Variants in PCDHA6 observed in about 807,000 individuals in gnomAD.
PCDHA6 encodes the protein protocadherin alpha 6, also known as protocadherin alpha-6.
A neutral mutation model predicts 60.3 loss-of-function variants in PCDHA6; 55 were observed. The ratio of observed to expected loss-of-function variants is 0.91; its 90% CI spans 0.73 to 1.14. The LOEUF (loss-of-function observed/expected upper bound fraction) is 1.14, where lower values mean the gene tolerates loss of function less well. Ranked by LOEUF, PCDHA6 falls within the 50% of genes most tolerant of loss-of-function variation. The pLI is 0.00. For synonymous variants in PCDHA6, 652 were observed against 557.9 expected (o/e 1.17, Z -2.38); for missense variants, 1,327 against 1,256.5 (o/e 1.06, Z -0.85).
intron 1 of PCDHA6, among the ~76,000 whole-genome samples, chr5:140,931,140 G>C (rs1176305397): frequency 6.6e-6 from 1 of 152,070 alleles, no homozygotes; most frequent in African/African-American, 2.4e-5. Context: ...TATTTGCAGT[G>C]GATACTATTT....
rs201762893 is a variant in PCDHA6, at chr5:140,829,796, C to T, written c.1705C>T (p.Arg569Trp). 3.1e-6 allele frequency: 5 copies of T among 1,613,774 alleles called. No homozygotes were observed. The highest frequency in any genetic ancestry group is 2.7e-5 in the African/African-American group (2 of 75,046). The change falls in exon 1 of 4, where the codon CGG becomes TGG. Residue 569 changes from arginine to tryptophan, a missense_variant. Arg to Trp is a moderately radical substitution (Grantham distance 101, BLOSUM62 -3). Coordinates refer to ENST00000529310, the MANE Select transcript of PCDHA6 (RefSeq NM_018909.4). ...CAACGCGCCGGCGCTGCTGGCGCCT[C>T]GGGTGGGTGGTACTGGTGGTGCAGT... ...NDNAPALLAP[R>W]VGGTGGAVSE...
chr5:140,850,815 C>A (rs2041835353), intron 1 of PCDHA6: 1 of 1,598,236 alleles, frequency 6.3e-7, no homozygotes, highest in East Asian at 2.2e-5. Flanking sequence ...GGCCTTCAGC[C>A]CGGGCCTTTC....
At chr5:140,928,914 A>C in intron 1 of PCDHA6, 2 of 1,614,136 alleles carry the variant, frequency 1.2e-6, no homozygotes, top group Non-Finnish European at 1.7e-6. Flanking sequence ...GGGAACCAGG[A>C]GGGCAGCTTT....
intron 3 of PCDHA6, among the ~76,000 whole-genome samples, chr5:140,992,706 G>T (rs1554253120): frequency 1.3e-5 from 2 of 152,138 alleles, no homozygotes; most frequent in Admixed American, 1.3e-4. Context: ...TAATGTTCCT[G>T]CCAGTATTCG....
At chr5:140,859,880 T>C (rs922706728) in intron 1 of PCDHA6, 1 of 152,036 alleles carries the variant, frequency 6.6e-6, no homozygotes, top group Non-Finnish European at 1.5e-5. Context: ...CCCTCTGATA[T>C]TTTGAAAAAA....
intron 1 of PCDHA6, among the ~76,000 whole-genome samples, chr5:140,924,989 C>T (rs782768303): frequency 7.9e-5 from 12 of 151,328 alleles, no homozygotes; most frequent in Admixed American, 1.3e-4. Context: ...GTCTGTAATC[C>T]TAGCACTTTA....
chr5:140,999,877 G>A (rs1194481133), intron 3 of PCDHA6, among the ~76,000 whole-genome samples: 1 of 152,152 alleles, frequency 6.6e-6, no homozygotes, highest in Admixed American at 6.5e-5. Flanking sequence ...CTGAAAATTA[G>A]CCCAGCTGTA....
intron 1 of PCDHA6, among the ~76,000 whole-genome samples, chr5:140,896,526 A>G (rs1554186988): frequency 6.9e-6 from 1 of 144,852 alleles, no homozygotes; most frequent in African/African-American, 2.5e-5. Context: ...CACAAAGCCC[A>G]GCTATTTTTC....
At position 140,926,851 on chromosome 5, in the gene PCDHA6, T is replaced by C. The variant is rs201136210; in HGVS notation, c.2395-52098T>C. 6.6e-6 allele frequency: 10 copies of C among 1,517,220 alleles called. No individual in the cohort carries two copies. In the Admixed American group the frequency reaches 6.6e-5, roughly 10 times the overall value. The allele number at this position is 1,517,220 out of a possible 1,614,324, so 94.0% of individuals were successfully genotyped here. ...TCCGGAGCATGGTCCTGGGTCACCGTTGGTGTAGCGTGTTGGTGGAACGTG... is the reference window on the plus strand; with the variant it reads ...TCCGGAGCATGGTCCTGGGTCACCGCTGGTGTAGCGTGTTGGTGGAACGTG... On this transcript the variant is annotated intron_variant, in intron 1 of 3. Coordinates refer to ENST00000529310, the MANE Select transcript of PCDHA6 (RefSeq NM_018909.4).
intron 1 of PCDHA6, among the ~76,000 whole-genome samples, chr5:140,893,346 C>A (rs1368723678): frequency 6.6e-6 from 1 of 152,104 alleles, no homozygotes; most frequent in Non-Finnish European, 1.5e-5. Context: ...AGTGGCAGTG[C>A]TAATTTACAT....
At chr5:140,921,538 A>C (rs572073676) in intron 1 of PCDHA6, among the ~76,000 whole-genome samples, 2 of 152,344 alleles carry the variant, frequency 1.3e-5, no homozygotes, top group Admixed American at 6.5e-5. Flanking sequence ...CTGATAGAAC[A>C]TTCTGCAAAA....
intron 1 of PCDHA6, among the ~76,000 whole-genome samples, chr5:140,951,891 C>T (rs913687305): frequency 1.3e-5 from 2 of 152,110 alleles, no homozygotes; most frequent in Non-Finnish European, 2.9e-5. Context: ...TCTCTTCTGC[C>T]TATGAGCCTG....
At chr5:140,833,463 ATT>A (rs1554133852) in intron 1 of PCDHA6, among the ~76,000 whole-genome samples, 3 of 152,250 alleles carry the variant, frequency 2.0e-5, no homozygotes, top group Non-Finnish European at 4.4e-5. Context: ...ATAAACTTAC[ATT>A]TTAAAAGAAA....
rs145763112 is a variant in PCDHA6, at chr5:140,835,616, C to A, written c.2394+5131C>A. The A allele has an allele frequency of 2.0e-5, 32 of 1,613,766 alleles. No homozygotes were observed. The highest frequency in any genetic ancestry group is 8.3e-5 in the Admixed American group (5 of 59,990). On this transcript the variant is annotated intron_variant, in intron 1 of 3. Transcript: ENST00000529310. ...ATTACTATTCATTGGTGCTGGACAGCGCTCTGGACCGCGAGAGTGTGTCCG... is the reference window on the plus strand; with the variant it reads ...ATTACTATTCATTGGTGCTGGACAGAGCTCTGGACCGCGAGAGTGTGTCCG...
chr5:140,967,012 G>C (rs1554229065), intron 1 of PCDHA6: 1 of 1,606,656 alleles, frequency 6.2e-7, no homozygotes, highest in African/African-American at 1.3e-5. Flanking sequence ...TCAACCATCT[G>C]GGTGCGCCCA....
intron 3 of PCDHA6, among the ~76,000 whole-genome samples, chr5:141,002,815 T>G (rs1554258803): frequency 6.6e-6 from 1 of 152,176 alleles, no homozygotes; most frequent in African/African-American, 2.4e-5. Flanking sequence ...GGCTCAGAGA[T>G]ATTTATGTAA....
intron 1 of PCDHA6, chr5:140,882,580 C>T (rs371338305): frequency 1.2e-6 from 2 of 1,614,126 alleles, no homozygotes; most frequent in African/African-American, 2.7e-5. Context: ...AGTGCAGCAT[C>T]CACCTGGAGG....
At chr5:140,962,084 A>G (rs541325949) in intron 1 of PCDHA6, among the ~76,000 whole-genome samples, 1 of 152,028 alleles carries the variant, frequency 6.6e-6, no homozygotes, top group African/African-American at 2.4e-5. Flanking sequence ...ACGGGGTTTC[A>G]CCATGTTAGC....
In PCDHA6 at chr5:140,843,548, A is replaced by G. The variant is rs2150362453; in HGVS notation, c.2394+13063A>G. ...GGGCAAGCCCACTCTGGTGTGCTCC[A>G]GTGCGGTGGGGAGCTGGTCATACTC... On this transcript the variant is annotated intron_variant, in intron 1 of 3. Coordinates refer to ENST00000529310, the MANE Select transcript of PCDHA6 (RefSeq NM_018909.4). 4 of 1,595,966 alleles carry G rather than the reference A, an allele frequency of 2.5e-6. 1 individual carries two copies. The South Asian group carries it at 4.4e-5, about 18-fold the overall frequency.
Sources: gnomAD v4.1 joint callset for allele counts (sites outside exome capture counted in the v4.1 genomes callset) on GRCh38, gnomAD v4.1.1 for gene constraint, MANE v1.5 for transcripts, NCBI Gene and HGNC (gene_info 2026-07-23, HGNC 2026-07-21) for gene names.